Variants in SYPL1 observed in about 807,000 individuals in gnomAD.
The protein encoded by SYPL1 is synaptophysin like 1.
Under a neutral mutation model 23.7 loss-of-function variants are expected in SYPL1, and 6 were observed. That is an observed-to-expected ratio of 0.25 (90% CI 0.14 to 0.50). The LOEUF is 0.50. SYPL1 is among the 20% of genes least tolerant of loss of function. The probability of loss-of-function intolerance (pLI) is 0.98; values close to 1 mark genes in which losing one functional copy is unlikely to be tolerated. For missense variants in SYPL1, 253 were observed against 288.9 expected (o/e 0.88, Z 0.90); for synonymous variants, 102 against 104.5 (o/e 0.98, Z 0.15).
At chr7:106,106,792 G>A (rs558369268) in intron 1 of SYPL1, among the ~76,000 whole-genome samples, 30 of 152,174 alleles carry the variant, frequency 2.0e-4, no homozygotes, top group African/African-American at 5.8e-4. Flanking sequence ...GCTGCAATTA[G>A]TTGTGATCGT....
At position 106,097,903 on chromosome 7, in the gene SYPL1, A is replaced by T. The variant is rs998380103; in HGVS notation, c.195-6T>A. The T allele has an allele frequency of 2.3e-5, 37 of 1,605,866 alleles. No homozygotes were observed. The highest frequency in any genetic ancestry group is 3.1e-5 in the Non-Finnish European group (36 of 1,174,258). ...GAAATGATGCCTCATTCAACCTATTAAAATAAATGTATGAATTATTGGACT... is the reference window on the plus strand; with the variant it reads ...GAAATGATGCCTCATTCAACCTATTTAAATAAATGTATGAATTATTGGACT... On this transcript the variant is annotated splice_polypyrimidine_tract_variant and splice_region_variant and intron_variant, in intron 2 of 4. Transcript: ENST00000455385. This position sits in a 1 kb window ranked among gnomAD's most constrained non-coding sequence, Gnocchi z 4.6.
At chr7:106,105,572 T>C (rs1840549661) in intron 1 of SYPL1, among the ~76,000 whole-genome samples, 1 of 150,308 alleles carries the variant, frequency 6.7e-6, no homozygotes, top group African/African-American at 2.5e-5. Context: ...GGGTGAATAG[T>C]ACAGCCTGGT....
chr7:106,090,673 G>A lies in SYPL1; in HGVS notation c.*1132C>T, dbSNP rs962739233. 1.8e-4 allele frequency: 27 copies of A among 152,566 alleles called. No homozygotes were observed. Among genetic ancestry groups the A allele is most frequent in the African/African-American group, 6.5e-4 (27 of 41,450 alleles). 9.5% of individuals were successfully genotyped at this position (152,566 alleles called of 1,614,324 possible). On this transcript the variant is annotated 3_prime_UTR_variant, in exon 5 of 5. Coordinates refer to ENST00000455385, the MANE Select transcript of SYPL1 (RefSeq NM_182715.4). ...AACCTGAATCCCTGTACAACAAAAAGATTAGGAAGCAAAATGTGAATAAGC... is the reference window on the plus strand; with the variant it reads ...AACCTGAATCCCTGTACAACAAAAAAATTAGGAAGCAAAATGTGAATAAGC...
chr7:106,108,578 A>G (rs1254117904), intron 1 of SYPL1, among the ~76,000 whole-genome samples: 1 of 152,154 alleles, frequency 6.6e-6, no homozygotes. Flanking sequence ...CGTTATCACA[A>G]ATCCAGACCT....
chr7:106,103,202 A>G (rs1290688920), intron 1 of SYPL1, among the ~76,000 whole-genome samples: 1 of 152,208 alleles, frequency 6.6e-6, no homozygotes, highest in East Asian at 1.9e-4. Context: ...TACACTGGGA[A>G]GTTATACGGC....
intron 1 of SYPL1, among the ~76,000 whole-genome samples, chr7:106,108,834 G>A (rs962384160): frequency 6.6e-6 from 1 of 152,112 alleles, no homozygotes. Flanking sequence ...ACCCCTGAAA[G>A]CTCCCAAGGC....
intron 4 of SYPL1, chr7:106,092,633 A>T (rs1212511964): frequency 1.8e-5 from 7 of 381,980 alleles, no homozygotes; most frequent in Non-Finnish European, 3.0e-5. Context: ...AGATCATGCC[A>T]CTGCACTCCA....
At chr7:106,108,844 C>A (rs1789997194) in intron 1 of SYPL1, among the ~76,000 whole-genome samples, 1 of 152,138 alleles carries the variant, frequency 6.6e-6, no homozygotes, top group Non-Finnish European at 1.5e-5. Context: ...GCTCCCAAGG[C>A]TCTTTCAGGA....
rs911103045 is a variant in SYPL1 at position 106,104,266 on chromosome 7, G to A, written c.70-4984C>T. Among the ~76,000 whole-genome samples the A allele has an allele frequency of 7.2e-5, 11 of 152,266 alleles. No homozygotes were observed. The East Asian group carries it at 1.7e-3, about 24-fold the overall frequency. ...GCTTTCTAAAAAATAAAATGGGGCC[G>A]GGTGCAGTGGCTTATGCCTGTAATT... On this transcript the variant is annotated intron_variant, in intron 1 of 4. Transcript: ENST00000455385. This position sits in a 1 kb window ranked among gnomAD's most constrained non-coding sequence, Gnocchi z 4.1.
At chr7:106,110,497 T>C (rs755379710) in intron 1 of SYPL1, among the ~76,000 whole-genome samples, 2 of 152,356 alleles carry the variant, frequency 1.3e-5, no homozygotes, top group African/African-American at 2.4e-5. Context: ...TAATAGATCA[T>C]GAGAAAAAGA....
At chr7:106,093,276 G>T in intron 3 of SYPL1, 139 bp from the exon 4 acceptor site, 1 of 778,560 alleles carries the variant, frequency 1.3e-6, no homozygotes, top group Non-Finnish European at 1.9e-6. Flanking sequence ...TATTAAAAAA[G>T]TCAGTCAGCA....
In SYPL1 at chr7:106,097,848, C is replaced by T. The variant is rs745769565; in HGVS notation, c.244G>A (p.Val82Ile). ...ATGAGGACGTAATCTTTCCAATTTACATCACATATGTTTACACCTGGAGGT... is the reference window on the plus strand; with the variant it reads ...ATGAGGACGTAATCTTTCCAATTTATATCACATATGTTTACACCTGGAGGT... ...QPPPGVNICD[V>I]NWKDYVLIGD... The change falls in exon 3 of 5, where the codon GTA becomes ATA. Residue 82 changes from valine (V) to isoleucine (I), a missense_variant. Val to Ile is a conservative substitution (Grantham distance 29). Transcript: ENST00000455385. This position sits in a 1 kb window ranked among gnomAD's most constrained non-coding sequence, Gnocchi z 4.6. 3 of 1,613,890 alleles carry T rather than the reference C, an allele frequency of 1.9e-6. No homozygotes were observed. Among genetic ancestry groups the T allele is most frequent in the South Asian group, 1.1e-5 (1 of 91,070 alleles).
At chr7:106,103,061 A>G (rs1042318744) in intron 1 of SYPL1, among the ~76,000 whole-genome samples, 2 of 152,204 alleles carry the variant, frequency 1.3e-5, no homozygotes, top group African/African-American at 4.8e-5. Flanking sequence ...ATAATGTCAC[A>G]AAGGATTTAC....
chr7:106,091,820 A>C lies in SYPL1; in HGVS notation c.711T>G (p.Pro237=), dbSNP rs1839743073. Residue 237 remains proline, a synonymous_variant, in exon 5 of 5, where the codon CCT becomes CCG. Transcript: ENST00000455385. This position sits in a 1 kb window ranked among gnomAD's most constrained non-coding sequence, Gnocchi z 5.0. ...CTCCCTTTAATTATATTCCGGTAGG[A>C]GGTGGAATACCTCCTTGGCTATGAG... is the stretch of plus-strand genomic sequence containing the variant. ...SAPHSQGGIP[P]PTGI 3 of 1,612,474 alleles carry C rather than the reference A, an allele frequency of 1.9e-6. No individual in the cohort carries two copies. Among genetic ancestry groups the C allele is most frequent in the Non-Finnish European group, 2.5e-6 (3 of 1,179,344 alleles).
At position 106,112,265 on chromosome 7, in the gene SYPL1, C is replaced by A; in HGVS notation, c.-57G>T. The A allele has an allele frequency of 6.6e-7, 1 of 1,503,964 alleles. No individual in the cohort carries two copies. The highest frequency in any genetic ancestry group is 2.7e-5 in the East Asian group (1 of 37,034). 93.2% of individuals were successfully genotyped at this position (1,503,964 alleles called of 1,614,324 possible). On this transcript the variant is annotated 5_prime_UTR_variant, in exon 1 of 5. Transcript: ENST00000455385. ...ACGACGGGGCGGAGGAGGGGACCGA[C>A]GAGACCAGAGCAGCCCGGTGGCGAG...
upstream of SYPL1, chr7:106,112,496 TC>T (rs1790226531): frequency 1.3e-6 from 2 of 1,524,318 alleles, no homozygotes; most frequent in Non-Finnish European, 1.8e-6. Context: ...AGTCGACTGA[TC>T]CGCTGGCGAA....
At chr7:106,099,355 T>G in intron 1 of SYPL1, 73 bp from the exon 2 acceptor site, 1 of 1,495,520 alleles carries the variant, frequency 6.7e-7, no homozygotes, top group Non-Finnish European at 9.0e-7. Context: ...CAAGGGTCAC[T>G]AAAACTGTAA....
chr7:106,112,018 C>G (rs1423965422), intron 1 of SYPL1, 122 bp downstream of exon 1: 7 of 1,136,458 alleles, frequency 6.2e-6, no homozygotes, highest in Admixed American at 9.6e-5. Flanking sequence ...ACTCCCAGTC[C>G]CGGGGCGGCG....
intron 1 of SYPL1, among the ~76,000 whole-genome samples, chr7:106,102,387 C>T (rs533183567): frequency 3.3e-5 from 5 of 152,348 alleles, no homozygotes; most frequent in East Asian, 3.9e-4. Flanking sequence ...TGAACCACAA[C>T]GCCCGGCCAA....
Sources: allele counts gnomAD v4.1 joint callset (sites outside exome capture counted in the v4.1 genomes callset), GRCh38; gene constraint gnomAD v4.1.1; non-coding constraint Gnocchi (gnomAD v3.1); transcripts MANE v1.5; gene names NCBI Gene and HGNC (gene_info 2026-07-23, HGNC 2026-07-21).